The following ARSJ variants were observed in gnomAD, a reference collection of about 807,000 sequenced individuals.
ARSJ encodes the protein arylsulfatase J.
In ARSJ, 26 loss-of-function variants were observed where a neutral mutation model predicts 35.9. The observed-to-expected ratio is 0.72, with a 90% CI of 0.53 to 1.00. ARSJ has a LOEUF of 1.00. Ranked by LOEUF, ARSJ falls within the 50% of genes least tolerant of loss-of-function variation. The pLI, the probability that ARSJ is intolerant of heterozygous loss-of-function variation, is 0.00. For missense variants in ARSJ, 667 were observed against 723.6 expected (o/e 0.92, Z 0.90); for synonymous variants, 294 against 267.6 (o/e 1.10, Z -0.96).
At position 113,901,618 on chromosome 4, in the gene ARSJ, C is replaced by T. The variant is rs1365410002; in HGVS notation, c.*656G>A. The T allele has an allele frequency of 6.6e-6, 1 of 152,538 alleles. No individual in the cohort carries two copies. Among genetic ancestry groups the T allele is most frequent in the Non-Finnish European group, 1.5e-5 (1 of 68,032 alleles). 9.4% of individuals were successfully genotyped at this position (152,538 alleles called of 1,614,324 possible). ...ATTCATTGTGGGCAGTGTGCTCAAA[C>T]ATTCTTATTTGCCATTCCCTCACGC... On this transcript the variant is annotated 3_prime_UTR_variant, in exon 2 of 2. Transcript: ENST00000315366.
chr4:113,939,775 G>A (rs1725022504), intron 1 of ARSJ, among the ~76,000 whole-genome samples: 1 of 151,702 alleles, frequency 6.6e-6, no homozygotes, highest in Non-Finnish European at 1.5e-5. Flanking sequence ...TGTTTGTTTT[G>A]TTTTGTTTTT....
intron 1 of ARSJ, among the ~76,000 whole-genome samples, chr4:113,919,361 T>C (rs910723206): frequency 1.3e-5 from 2 of 152,164 alleles, no homozygotes; most frequent in African/African-American, 4.8e-5. Flanking sequence ...CAGACTTAGG[T>C]AAGTCACTTC....
chr4:113,929,658 C>T (rs1300993727), intron 1 of ARSJ, among the ~76,000 whole-genome samples: 1 of 152,146 alleles, frequency 6.6e-6, no homozygotes, highest in Admixed American at 6.6e-5. Context: ...CAGCCACTCA[C>T]ATGATAAGAG....
intron 1 of ARSJ, among the ~76,000 whole-genome samples, chr4:113,971,613 C>T (rs1022183249): frequency 2.0e-5 from 3 of 152,194 alleles, no homozygotes; most frequent in Admixed American, 6.5e-5. Context: ...CAAAGCCACC[C>T]TCTCCACTTG....
chr4:113,919,018 G>A (rs1254986308), intron 1 of ARSJ, among the ~76,000 whole-genome samples: 2 of 152,134 alleles, frequency 1.3e-5, no homozygotes, highest in Admixed American at 6.6e-5. Context: ...CATAATTCAT[G>A]TCAGTGGTGA....
chr4:113,937,012 T>G (rs958410055), intron 1 of ARSJ, among the ~76,000 whole-genome samples: 12 of 151,908 alleles, frequency 7.9e-5, no homozygotes, highest in Non-Finnish European at 1.5e-4. Flanking sequence ...ACAAAACTAT[T>G]TTCAAAGAAA....
At chr4:113,951,923 C>T (rs1044954496) in intron 1 of ARSJ, among the ~76,000 whole-genome samples, 2 of 151,988 alleles carry the variant, frequency 1.3e-5, no homozygotes, top group Non-Finnish European at 2.9e-5. Flanking sequence ...TTTAATGTCA[C>T]GTTCAACTTT....
At chr4:113,973,055 C>A (rs1398909428) in intron 1 of ARSJ, among the ~76,000 whole-genome samples, 1 of 152,164 alleles carries the variant, frequency 6.6e-6, no homozygotes, top group Non-Finnish European at 1.5e-5. Flanking sequence ...CACAGATGAT[C>A]CCAGCACTGG....
Position 113,944,094 on chromosome 4 carries a change from G to T in ARSJ, c.398+34343C>A, listed in dbSNP as rs78911050. ...TATGAACACTGCTGCAAAAGCAAGT[G>T]ATGTTTGTGGTTTGGGCTGTGGCTT... On this transcript the variant is annotated intron_variant, in intron 1 of 1. Transcript: ENST00000315366. 2.0e-5 allele frequency: 3 copies of T among 152,224 alleles called. No individual in the cohort carries two copies. The East Asian group carries it at 5.8e-4, about 30-fold the overall frequency. The allele number at this position is 152,224 out of a possible 1,614,324, so 9.4% of individuals were successfully genotyped here.
chr4:113,944,284 T>A (rs1408527999), intron 1 of ARSJ: 7 of 152,024 alleles, frequency 4.6e-5, no homozygotes, highest in Non-Finnish European at 8.8e-5. Context: ...CAGGATGACA[T>A]GTAGGACTCC....
chr4:113,962,331 A>G (rs536892333), intron 1 of ARSJ, among the ~76,000 whole-genome samples: 14 of 152,222 alleles, frequency 9.2e-5, no homozygotes, highest in Non-Finnish European at 1.6e-4. Context: ...AAAAAAATCT[A>G]TAACTGCAAT....
At chr4:113,964,004 T>G (rs1726733004) in intron 1 of ARSJ, among the ~76,000 whole-genome samples, 1 of 152,010 alleles carries the variant, frequency 6.6e-6, no homozygotes, top group African/African-American at 2.4e-5. Flanking sequence ...TATTTTGACA[T>G]CTGGAATCAT....
intron 1 of ARSJ, among the ~76,000 whole-genome samples, chr4:113,910,515 A>G (rs1201474195): frequency 1.3e-5 from 2 of 152,222 alleles, no homozygotes. Flanking sequence ...CAAATCAAAT[A>G]TCACTTGGAT....
chr4:113,947,925 G>A (rs1055133191), intron 1 of ARSJ, among the ~76,000 whole-genome samples: 9 of 151,872 alleles, frequency 5.9e-5, no homozygotes, highest in Admixed American at 2.0e-4. Context: ...ATGGTGGCTC[G>A]TGCCTATAAT....
intron 1 of ARSJ, among the ~76,000 whole-genome samples, chr4:113,935,492 G>C (rs1724710428): frequency 6.6e-6 from 1 of 151,840 alleles, no homozygotes; most frequent in Non-Finnish European, 1.5e-5. Context: ...TTCTAAAGAG[G>C]AGGAACCTAT....
At chr4:113,928,384 T>C (rs1028196398) in intron 1 of ARSJ, among the ~76,000 whole-genome samples, 3 of 152,156 alleles carry the variant, frequency 2.0e-5, no homozygotes, top group African/African-American at 4.8e-5. Context: ...GTAAACTGGA[T>C]AAAGTCTGGA....
chr4:113,931,851 A>C (rs1724475089), intron 1 of ARSJ, among the ~76,000 whole-genome samples: 1 of 152,094 alleles, frequency 6.6e-6, no homozygotes, highest in Non-Finnish European at 1.5e-5. Context: ...ACCAAAATGT[A>C]AACACAGGTG....
intron 1 of ARSJ, among the ~76,000 whole-genome samples, chr4:113,954,197 A>G (rs1043316355): frequency 6.6e-6 from 1 of 152,058 alleles, no homozygotes; most frequent in Non-Finnish European, 1.5e-5. Flanking sequence ...GTTTAAACCT[A>G]TTAAGAATGA....
In ARSJ at chr4:113,903,325, A is replaced by G. The variant is rs2099667724; in HGVS notation, c.749T>C (p.Leu250Ser). ...AGGCTTTGTGGGGTTATGGGAAGCT[A>G]AGATTTGCTGTACTCTCTGAGTGTA... ...QMYTQRVQQI[L>S]ASHNPTKPIF... The change falls in exon 2 of 2, where the codon TTA becomes TCA. Residue 250 changes from leucine (L) to serine (S), a missense_variant. By Grantham distance (145) the Leu-to-Ser change is moderately radical (BLOSUM62 -2). Coordinates refer to ENST00000315366, the MANE Select transcript of ARSJ (RefSeq NM_024590.4). The G allele has an allele frequency of 1.9e-6, 3 of 1,614,192 alleles. No individual in the cohort carries two copies. The East Asian group carries it at 6.7e-5, about 36-fold the overall frequency.
Sources: gnomAD v4.1 joint callset for allele counts (sites outside exome capture counted in the v4.1 genomes callset) on GRCh38, gnomAD v4.1.1 for gene constraint, MANE v1.5 for transcripts, NCBI Gene and HGNC (gene_info 2026-07-23, HGNC 2026-07-21) for gene names.